Variants in SLX4 observed in about 807,000 individuals in gnomAD.
SLX4 encodes SLX4 structure-specific endonuclease subunit, also known as structure-specific endonuclease subunit SLX4.
Under a neutral mutation model 146.2 loss-of-function variants are expected in SLX4, and 112 were observed. That is an observed-to-expected ratio of 0.77 (90% CI 0.66 to 0.90). The LOEUF (loss-of-function observed/expected upper bound fraction) is 0.90. Ranked by LOEUF, SLX4 falls within the 40% of genes least tolerant of loss-of-function variation. The pLI is 0.00. For missense variants in SLX4, 2,563 were observed against 2,392.7 expected (o/e 1.07, Z -1.49); for synonymous variants, 1,061 against 997.7 (o/e 1.06, Z -1.20).
chr16:3,609,174 CG>C lies in SLX4; in HGVS notation c.-211del. 5.6e-6 allele frequency: 3 copies of C among 531,982 alleles called. No individual in the cohort carries two copies. Among genetic ancestry groups the C allele is most frequent in the East Asian group, 3.5e-5 (1 of 28,750 alleles). 33.0% of individuals were successfully genotyped at this position (531,982 alleles called of 1,614,324 possible). ...ATCCCAGCTCTTTTGGAGGACGAGGCGGGGGGTGGATCACCTGAGGTCAGAA... is the reference window on the plus strand; with the variant it reads ...ATCCCAGCTCTTTTGGAGGACGAGGCGGGGGTGGATCACCTGAGGTCAGAA... On this transcript the variant is annotated 5_prime_UTR_variant, in exon 2 of 15. Coordinates refer to ENST00000294008, the MANE Select transcript of SLX4 (RefSeq NM_032444.4).
intron 13 of SLX4, among the ~76,000 whole-genome samples, chr16:3,583,734 G>A (rs2040472229): frequency 6.6e-6 from 1 of 152,214 alleles, no homozygotes; most frequent in Non-Finnish European, 1.5e-5. Flanking sequence ...CAGGCACAAT[G>A]GCTCACGCCT....
intron 12 of SLX4, among the ~76,000 whole-genome samples, chr16:3,588,306 C>G (rs1178381796): frequency 1.3e-5 from 2 of 152,232 alleles, no homozygotes. Context: ...CTAGACATTT[C>G]ATATCCATGA....
intron 13 of SLX4, among the ~76,000 whole-genome samples, chr16:3,583,832 G>A (rs189742230): frequency 2.0e-5 from 3 of 151,798 alleles, no homozygotes; most frequent in East Asian, 3.9e-4. Flanking sequence ...GCAAGACCCC[G>A]CCTCTACAAA....
chr16:3,589,182 T>G lies in SLX4; in HGVS notation c.4456A>C (p.Arg1486=), dbSNP rs200536796. The stretch of plus-strand genomic sequence containing the variant: ...CCCGAGGACTTCTCTTGCAATTTCC[T>G]CTGGGTAGTGCAGCTTCCTCGGATG... The part of the protein sequence containing the change: ...TPIRGSCTTQ[R]KLQEKSSGAG... Residue 1486 remains arginine (R), a synonymous_variant, in exon 12 of 15, where the codon AGG becomes CGG. Transcript: ENST00000294008. This position sits in a 1 kb window ranked among gnomAD's most constrained non-coding sequence, Gnocchi z 6.2. 1.1e-4 allele frequency: 178 copies of G among 1,614,034 alleles called. No individual in the cohort carries two copies. The highest frequency in any genetic ancestry group is 1.5e-4 in the Non-Finnish European group (174 of 1,180,042).
chr16:3,592,576 G>A (rs1258647339), intron 11 of SLX4, 123 bp downstream of exon 11: 38 of 1,164,320 alleles, frequency 3.3e-5, no homozygotes, highest in Non-Finnish European at 1.2e-6. Flanking sequence ...GGGATTAAAA[G>A]GTATAAACAG....
intron 2 of SLX4, among the ~76,000 whole-genome samples, 185 bp from the exon 3 acceptor site, chr16:3,606,883 A>C (rs1157819359): frequency 6.6e-6 from 1 of 152,202 alleles, no homozygotes; most frequent in Non-Finnish European, 1.5e-5. Context: ...TATAGACATA[A>C]ATATCAATAA....
chr16:3,582,406 C>A lies in SLX4; in HGVS notation c.5441G>T (p.Arg1814Leu). 1 of 1,613,854 alleles carries A rather than the reference C, an allele frequency of 6.2e-7. No individual in the cohort carries two copies. The highest frequency in any genetic ancestry group is 1.3e-5 in the African/African-American group (1 of 75,054). ...HCITFTTAAT[R>L]REKLQGRRRQ... ...CCTCCTGCCCTGGAGCTTCTCCCTGCGGGTGGCGGCAGTGGTGAAGGTGAT... is the reference window on the plus strand; with the variant it reads ...CCTCCTGCCCTGGAGCTTCTCCCTGAGGGTGGCGGCAGTGGTGAAGGTGAT... The change falls in exon 15 of 15, where the codon CGC (arginine) becomes CTC (leucine). Residue 1814 changes from arginine to leucine, a missense_variant. Transcript: ENST00000294008.
intron 12 of SLX4, among the ~76,000 whole-genome samples, chr16:3,585,599 AAAAAG>A (rs2040499600): frequency 2.7e-5 from 4 of 148,450 alleles, no homozygotes; most frequent in Non-Finnish European, 6.0e-5. Context: ...AAAAAAAAAA[AAAAAG>A]GGCAAAGGAT....
chr16:3,582,065 A>T lies in SLX4; in HGVS notation c.*277T>A, dbSNP rs1292678051. On this transcript the variant is annotated 3_prime_UTR_variant, in exon 15 of 15. Transcript: ENST00000294008. Reference sequence around the variant, plus strand: ...CAAAAAGAAAAAAAAAAAGAAAACCAAAAAGGGAGACACACTGTGAGCACG... The same window carrying T: ...CAAAAAGAAAAAAAAAAAGAAAACCTAAAAGGGAGACACACTGTGAGCACG... The T allele has an allele frequency of 5.7e-6, 3 of 523,922 alleles. No individual in the cohort carries two copies. The Admixed American group carries it at 1.0e-4, about 18-fold the overall frequency. 32.5% of individuals were successfully genotyped at this position (523,922 alleles called of 1,614,324 possible).
Position 3,594,452 on chromosome 16 carries a change from C to T in SLX4, c.2160+1G>A, listed in dbSNP as rs1263214589. On this transcript the variant is annotated splice_donor_variant, in intron 10 of 14. Coordinates refer to ENST00000294008, the MANE Select transcript of SLX4 (RefSeq NM_032444.4). LOFTEE classifies it high-confidence loss of function. ...GGGCACACGGCAGCCCACGTACTTA[C>T]ATACTGGATGAGGAGCGGGCATCGG... The T allele has an allele frequency of 6.2e-7, 1 of 1,612,672 alleles. No individual in the cohort carries two copies. The highest frequency in any genetic ancestry group is 8.5e-7 in the Non-Finnish European group (1 of 1,179,418).
intron 8 of SLX4, 38 bp downstream of exon 8, chr16:3,596,115 G>A (rs1052113450): frequency 1.3e-6 from 2 of 1,539,838 alleles, no homozygotes; most frequent in Non-Finnish European, 1.7e-6. Context: ...AGGCCCGGGA[G>A]GGCAGGGCTG....
Position 3,589,191 on chromosome 16 carries a change from T to G in SLX4, c.4447A>C (p.Thr1483Pro). The G allele has an allele frequency of 6.2e-7, 1 of 1,614,082 alleles. No homozygotes were observed. Among genetic ancestry groups the G allele is most frequent in the Non-Finnish European group, 8.5e-7 (1 of 1,179,976 alleles). Residue 1483 changes from threonine (T) to proline (P), a missense_variant, in exon 12 of 15, where the codon ACT (threonine) becomes CCT (proline). By Grantham distance (38) the Thr-to-Pro change is conservative (BLOSUM62 -1). Transcript: ENST00000294008. The surrounding 1 kb of genome is among the most constrained non-coding windows in gnomAD (Gnocchi z 6.2). Reference sequence around the variant, plus strand: ...TTCTCTTGCAATTTCCTCTGGGTAGTGCAGCTTCCTCGGATGGGGGTGGTG... The same window carrying G: ...TTCTCTTGCAATTTCCTCTGGGTAGGGCAGCTTCCTCGGATGGGGGTGGTG... ...LDTTPIRGSC[T>P]TQRKLQEKSS... is the part of the protein sequence containing the mutation.
chr16:3,597,941 G>A lies in SLX4; in HGVS notation c.1222C>T (p.Arg408Trp), dbSNP rs758029323. 40 of 1,614,034 alleles carry A rather than the reference G, an allele frequency of 2.5e-5. No homozygotes were observed. Among genetic ancestry groups the A allele is most frequent in the South Asian group, 1.4e-4 (13 of 91,088 alleles). ...GCCTCGTCCACCTTCCGCCTCTTCC[G>A]TGGCTCCTTCTTGCTGGTGGGTCCT... ...RRGPTSKKEP[R>W]KRRKVDEAPS... Residue 408 changes from arginine (R) to tryptophan (W), a missense_variant, in exon 6 of 15, where the codon CGG (arginine) becomes TGG (tryptophan). Arg to Trp is a moderately radical substitution (Grantham distance 101). Coordinates refer to ENST00000294008, the MANE Select transcript of SLX4 (RefSeq NM_032444.4). The surrounding 1 kb of genome is among the most constrained non-coding windows in gnomAD (Gnocchi z 4.4).
intron 3 of SLX4, among the ~76,000 whole-genome samples, chr16:3,603,539 C>T (rs747030841): frequency 6.6e-6 from 1 of 152,216 alleles, no homozygotes; most frequent in African/African-American, 2.4e-5. Flanking sequence ...CTGCTGTGGA[C>T]CCTGGGGTGG....
chr16:3,606,600 G>A lies in SLX4; in HGVS notation c.634C>T (p.Arg212Ter), dbSNP rs1395992833. The change falls in exon 3 of 15, where the codon CGA becomes TGA. Residue 212 changes from arginine (R) to a stop codon, truncating the protein, a stop_gained. Transcript: ENST00000294008. LOFTEE classifies it high-confidence loss of function. ...TCTGCTCTCTTGAACTGCTGCATTC[G>A]CTGTAGGACCAATTGTGCTGTGCGG... is the stretch of plus-strand genomic sequence containing the variant. ...KPRTAQLVLQRMQQFKRADPE... is the reference protein window; with the variant it reads ...KPRTAQLVLQ The A allele has an allele frequency of 3.7e-6, 6 of 1,614,208 alleles. No individual in the cohort carries two copies. The highest frequency in any genetic ancestry group is 1.3e-5 in the African/African-American group (1 of 75,048).
At position 3,590,470 on chromosome 16, in the gene SLX4, C is replaced by G. The variant is rs2040571581; in HGVS notation, c.3168G>C (p.Leu1056=). The G allele has an allele frequency of 1.2e-6, 2 of 1,614,008 alleles. No individual in the cohort carries two copies. Among genetic ancestry groups the G allele is most frequent in the South Asian group, 1.1e-5 (1 of 91,088 alleles). The change falls in exon 12 of 15, where the codon CTG becomes CTC. Residue 1056 remains leucine (L), a synonymous_variant. Coordinates refer to ENST00000294008, the MANE Select transcript of SLX4 (RefSeq NM_032444.4). The surrounding 1 kb of genome is among the most constrained non-coding windows in gnomAD (Gnocchi z 4.8). ...RGSHHTSGSS[L]STPRSRGGTS... is the part of the protein sequence containing the mutation. Reference sequence around the variant, plus strand: ...TTCCGCCACGGGACCGGGGTGTTGACAGGGACGACCCACTTGTGTGATGAG... The same window carrying G: ...TTCCGCCACGGGACCGGGGTGTTGAGAGGGACGACCCACTTGTGTGATGAG...
chr16:3,606,415 C>G (rs568853691), intron 3 of SLX4, 59 bp downstream of exon 3: 1 of 1,579,640 alleles, frequency 6.3e-7, no homozygotes, highest in East Asian at 2.2e-5. Context: ...TCCCGCCTCC[C>G]TTCCTCAGAG....
At chr16:3,594,736 C>T (rs1244576596) in intron 9 of SLX4, 137 bp from the exon 10 acceptor site, 21 of 1,155,652 alleles carry the variant, frequency 1.8e-5, no homozygotes, top group Admixed American at 5.9e-5. Context: ...CTCTCCAAAA[C>T]GCTTCCCACG....
chr16:3,589,698 G>T lies in SLX4; in HGVS notation c.3940C>A (p.Gln1314Lys), dbSNP rs142040192. 354 of 1,613,880 alleles carry T rather than the reference G, an allele frequency of 2.2e-4. No individual in the cohort carries two copies. In the Middle Eastern group the frequency reaches 4.1e-3, roughly 19 times the overall value. The change falls in exon 12 of 15, where the codon CAG becomes AAG. Residue 1314 changes from glutamine (Q) to lysine (K), a missense_variant. Coordinates refer to ENST00000294008, the MANE Select transcript of SLX4 (RefSeq NM_032444.4). The surrounding 1 kb of genome is among the most constrained non-coding windows in gnomAD (Gnocchi z 6.2). ...GACGGTGTCTGGGGCGGTGGTGTCT[G>T]GGGCCTGATGACAGAAAACTTCTGT... ...VAQKFSVIRP[Q>K]TPPPQTPSSC...
Sources: gnomAD v4.1 joint callset for allele counts (sites outside exome capture counted in the v4.1 genomes callset) on GRCh38, gnomAD v4.1.1 for gene constraint, Gnocchi (gnomAD v3.1) non-coding constraint, MANE v1.5 for transcripts, NCBI Gene and HGNC (gene_info 2026-07-23, HGNC 2026-07-21) for gene names.